Variants in PAK5 observed in about 807,000 individuals in gnomAD.
PAK5 encodes the protein p21 (RAC1) activated kinase 5.
A neutral mutation model predicts 65.9 loss-of-function variants in PAK5; 16 were observed. That is an observed-to-expected ratio of 0.24 (90% CI 0.16 to 0.37). PAK5 has a LOEUF of 0.37. Among genes scored for constraint, PAK5 ranks in the 10% least tolerant of loss-of-function variants. The probability of loss-of-function intolerance (pLI) is 1.00; values close to 1 mark genes in which losing one functional copy is unlikely to be tolerated. For missense variants in PAK5, 785 were observed against 903.9 expected (o/e 0.87, Z 1.69); for synonymous variants, 371 against 354.9 (o/e 1.05, Z -0.51).
intron 3 of PAK5, among the ~76,000 whole-genome samples, chr20:9,609,794 G>T (rs930046057): frequency 5.3e-5 from 8 of 152,178 alleles, no homozygotes; most frequent in African/African-American, 1.4e-4. Context: ...CTTTAGCATA[G>T]ACATTATGTC....
chr20:9,571,878 G>C (rs1006019961), intron 4 of PAK5, among the ~76,000 whole-genome samples: 12 of 146,054 alleles, frequency 8.2e-5, no homozygotes, highest in South Asian at 2.4e-4. Context: ...GAATGATGGG[G>C]GGGGGGGATG....
At chr20:9,727,382 A>G (rs1361069343) in intron 1 of PAK5, among the ~76,000 whole-genome samples, 2 of 152,138 alleles carry the variant, frequency 1.3e-5, no homozygotes, top group African/African-American at 4.8e-5. Flanking sequence ...TCATTTGGTT[A>G]AGGTGGGGTC....
chr20:9,550,421 T>C (rs928714767), intron 7 of PAK5, among the ~76,000 whole-genome samples: 2 of 152,040 alleles, frequency 1.3e-5, no homozygotes, highest in African/African-American at 4.8e-5. Flanking sequence ...AGAAGATGCT[T>C]CTTATCTCCT....
At chr20:9,686,176 C>G (rs1354301580) in intron 2 of PAK5, among the ~76,000 whole-genome samples, 1 of 152,102 alleles carries the variant, frequency 6.6e-6, no homozygotes, top group African/African-American at 2.4e-5. Flanking sequence ...ACAGGAAAAC[C>G]ATGTGGGCTA....
At chr20:9,822,017 G>T (rs2049427150) in intron 1 of PAK5, among the ~76,000 whole-genome samples, 1 of 152,180 alleles carries the variant, frequency 6.6e-6, no homozygotes, top group South Asian at 2.1e-4. Context: ...GGCCCGGTGT[G>T]GTGGCTTACG....
At chr20:9,680,889 T>G (rs1031762111) in intron 2 of PAK5, among the ~76,000 whole-genome samples, 1 of 152,216 alleles carries the variant, frequency 6.6e-6, no homozygotes, top group African/African-American at 2.4e-5. Context: ...TTCAGAAGAA[T>G]GTGTATTCTG....
intron 2 of PAK5, among the ~76,000 whole-genome samples, chr20:9,689,507 TC>T (rs2123427943): frequency 6.6e-6 from 1 of 152,312 alleles, no homozygotes; most frequent in Non-Finnish European, 1.5e-5. Flanking sequence ...TTCCCTAACC[TC>T]CCTTGCAACT....
At chr20:9,795,877 G>A (rs1350790151) in intron 1 of PAK5, among the ~76,000 whole-genome samples, 4 of 151,774 alleles carry the variant, frequency 2.6e-5, no homozygotes, top group African/African-American at 9.7e-5. Flanking sequence ...TAAGAAAAAT[G>A]GTATTATTCT....
At chr20:9,671,810 T>C (rs1040998397) in intron 2 of PAK5, among the ~76,000 whole-genome samples, 3 of 152,022 alleles carry the variant, frequency 2.0e-5, no homozygotes, top group Admixed American at 6.6e-5. Flanking sequence ...TCCAACACTA[T>C]GTTGAATAGG....
chr20:9,758,734 G>A (rs1355341673), intron 1 of PAK5, among the ~76,000 whole-genome samples: 2 of 152,104 alleles, frequency 1.3e-5, no homozygotes, highest in Non-Finnish European at 2.9e-5. Flanking sequence ...AAATGTGTGG[G>A]AACTAAAATG....
chr20:9,569,813 G>A (rs993250340), intron 4 of PAK5, among the ~76,000 whole-genome samples: 1 of 151,742 alleles, frequency 6.6e-6, no homozygotes, highest in Non-Finnish European at 1.5e-5. Flanking sequence ...ACAGTGCCTG[G>A]CCTGCTGAAC....
chr20:9,835,800 G>A (rs1979103597), intron 1 of PAK5, among the ~76,000 whole-genome samples: 1 of 152,156 alleles, frequency 6.6e-6, no homozygotes, highest in African/African-American at 2.4e-5. Flanking sequence ...GTGATTCTTG[G>A]GTTTCTGGTT....
chr20:9,581,209 G>A (rs2045974874), intron 3 of PAK5, among the ~76,000 whole-genome samples: 1 of 152,060 alleles, frequency 6.6e-6, no homozygotes, highest in Non-Finnish European at 1.5e-5. Flanking sequence ...GAATATAACT[G>A]TTTTATTTAC....
rs773708187 is a variant in PAK5, at chr20:9,566,203, C to G, written c.1172G>C (p.Ser391Thr). 1 of 1,613,918 alleles carries G rather than the reference C, an allele frequency of 6.2e-7. No individual in the cohort carries two copies. The highest frequency in any genetic ancestry group is 1.1e-5 in the South Asian group (1 of 91,064). Residue 391 changes from serine to threonine, a missense_variant, in exon 5 of 10, where the codon AGT (serine) becomes ACT (threonine). By Grantham distance (58) the Ser-to-Thr change is moderately conservative. Transcript: ENST00000353224. Reference protein sequence around the residue: ...TLYHHPSLQSSSQYISTASYL... With the variant: ...TLYHHPSLQSTSQYISTASYL... ...GGAAGCCGTGGAGATGTACTGCGAA[C>G]TGCTCTGCAGGGAGGGGTGATGGTA...
intron 3 of PAK5, among the ~76,000 whole-genome samples, chr20:9,639,457 A>T (rs1249378063): frequency 1.3e-5 from 2 of 152,072 alleles, no homozygotes; most frequent in East Asian, 3.8e-4. Flanking sequence ...GATTTGATCA[A>T]CTTTACTCTT....
intron 1 of PAK5, among the ~76,000 whole-genome samples, chr20:9,776,411 T>C (rs1243941965): frequency 6.6e-6 from 1 of 152,194 alleles, no homozygotes; most frequent in Non-Finnish European, 1.5e-5. Flanking sequence ...TGTGGGAGCT[T>C]ATATTCTAAT....
Position 9,646,816 on chromosome 20 carries a change from T to G in PAK5, c.-11-2477A>C, listed in dbSNP as rs144424647. The stretch of plus-strand genomic sequence containing the variant: ...TGAAAACAAAGCCAGCCTATCCTGC[T>G]GGAAGATGAGGGGCTGTGTATCCCA... On this transcript the variant is annotated intron_variant, in intron 2 of 9. Transcript: ENST00000353224. Among the ~76,000 whole-genome samples, 17 of 152,300 alleles carry G rather than the reference T, an allele frequency of 1.1e-4. No individual in the cohort carries two copies. In the East Asian group the frequency reaches 3.3e-3, roughly 29 times the overall value.
intron 4 of PAK5, among the ~76,000 whole-genome samples, chr20:9,578,758 G>A (rs183674712): frequency 6.6e-6 from 1 of 152,192 alleles, no homozygotes; most frequent in Admixed American, 6.5e-5. Flanking sequence ...AGTAGATTTT[G>A]CTTGTGGTTA....
chr20:9,637,997 A>G (rs1247998369), intron 3 of PAK5, among the ~76,000 whole-genome samples: 1 of 152,172 alleles, frequency 6.6e-6, no homozygotes, highest in African/African-American at 2.4e-5. Context: ...AAGTACATCT[A>G]TCCATCAGCA....
Sources: gnomAD v4.1 joint callset for allele counts (sites outside exome capture counted in the v4.1 genomes callset) on GRCh38, gnomAD v4.1.1 for gene constraint, MANE v1.5 for transcripts, NCBI Gene and HGNC (gene_info 2026-07-23, HGNC 2026-07-21) for gene names.